TBX20: variants seen among roughly 807,000 people sequenced by gnomAD.
TBX20 encodes the protein T-box transcription factor 20, also known as T-box transcription factor TBX20.
A neutral mutation model predicts 42.9 loss-of-function variants in TBX20; 8 were observed. The ratio of observed to expected loss-of-function variants is 0.19; its 90% CI spans 0.11 to 0.34. The LOEUF (loss-of-function observed/expected upper bound fraction) is 0.34. TBX20 is among the 10% of genes least tolerant of loss of function. The pLI, the probability that TBX20 is intolerant of heterozygous loss-of-function variation, is 1.00. For missense variants in TBX20, 411 were observed against 566.0 expected (o/e 0.73, Z 2.78); for synonymous variants, 198 against 222.8 (o/e 0.89, Z 0.99).
chr7:35,240,512 T>C (rs934255195), intron 5 of TBX20, among the ~76,000 whole-genome samples: 3 of 152,304 alleles, frequency 2.0e-5, no homozygotes, highest in Admixed American at 6.5e-5. Flanking sequence ...GTGTGTTTAA[T>C]TGAGCAGAGA....
chr7:35,218,415 C>T (rs1339513984), intron 6 of TBX20, among the ~76,000 whole-genome samples: 7 of 151,930 alleles, frequency 4.6e-5, no homozygotes, highest in African/African-American at 1.7e-4. Context: ...CTCCTGGGGC[C>T]CCAACTGCTG....
intron 6 of TBX20, among the ~76,000 whole-genome samples, chr7:35,221,339 A>G (rs973895871): frequency 6.6e-6 from 1 of 151,660 alleles, no homozygotes; most frequent in Non-Finnish European, 1.5e-5. Context: ...GAAAGGAAGA[A>G]AATTTTCCTG....
chr7:35,222,435 A>G (rs549581338), intron 6 of TBX20, among the ~76,000 whole-genome samples: 1 of 152,316 alleles, frequency 6.6e-6, no homozygotes, highest in African/African-American at 2.4e-5. Flanking sequence ...ACCACCAAAC[A>G]TATCAGTTAT....
chr7:35,240,999 C>T lies in TBX20; in HGVS notation c.693G>A (p.Val231=). Residue 231 remains valine, a synonymous_variant, in exon 5 of 8, where the codon GTG becomes GTA. Coordinates refer to ENST00000408931, the MANE Select transcript of TBX20 (RefSeq NM_001077653.2). ...LNSMHKYQPR[V]HIIKKKDHTA... ...TGTGGTCTTTCTTCTTAATGATGTGCACCCTTGGCTGGTACTTATGCATTG... is the reference window on the plus strand; with the variant it reads ...TGTGGTCTTTCTTCTTAATGATGTGTACCCTTGGCTGGTACTTATGCATTG... 9 of 1,613,774 alleles carry T rather than the reference C, an allele frequency of 5.6e-6. No homozygotes were observed. The highest frequency in any genetic ancestry group is 6.8e-6 in the Non-Finnish European group (8 of 1,179,724).
intron 5 of TBX20, among the ~76,000 whole-genome samples, chr7:35,237,467 T>C (rs1326961712): frequency 1.3e-5 from 2 of 151,926 alleles, no homozygotes; most frequent in East Asian, 3.9e-4. Flanking sequence ...GTTCTCATTG[T>C]CAGAATATGC....
At chr7:35,211,509 T>C (rs1789495378) in intron 6 of TBX20, among the ~76,000 whole-genome samples, 1 of 152,186 alleles carries the variant, frequency 6.6e-6, no homozygotes, top group South Asian at 2.1e-4. Context: ...TAAATAATTC[T>C]AGTTAACAGA....
chr7:35,205,735 G>C (rs1789389465), intron 6 of TBX20, among the ~76,000 whole-genome samples: 1 of 152,110 alleles, frequency 6.6e-6, no homozygotes, highest in Non-Finnish European at 1.5e-5. Context: ...TATATAGTAT[G>C]ACTATGACTA....
rs1344590557 is a variant in TBX20 at position 35,249,613 on chromosome 7, T to C, written c.380+338A>G. Among the ~76,000 whole-genome samples, 4 of 152,106 alleles carry C rather than the reference T, an allele frequency of 2.6e-5. No homozygotes were observed. Among genetic ancestry groups the C allele is most frequent in the African/African-American group, 7.2e-5 (3 of 41,424 alleles). ...AGCTCACCAGGCACCCAGGCACAAA[T>C]TCCTCCTCCTTCCAGATCCCGACCC... On this transcript the variant is annotated intron_variant, in intron 2 of 7. Transcript: ENST00000408931. This position sits in a 1 kb window ranked among gnomAD's most constrained non-coding sequence, Gnocchi z 4.3.
At chr7:35,239,774 T>A (rs927930561) in intron 5 of TBX20, among the ~76,000 whole-genome samples, 1 of 151,942 alleles carries the variant, frequency 6.6e-6, no homozygotes, top group Non-Finnish European at 1.5e-5. Context: ...TTTTTTGAGG[T>A]GGGGTCTCGC....
chr7:35,229,156 T>C (rs886483171), intron 6 of TBX20, among the ~76,000 whole-genome samples: 10 of 152,284 alleles, frequency 6.6e-5, no homozygotes, highest in African/African-American at 2.4e-4. Flanking sequence ...AGGTCACATA[T>C]TTATAACATC....
At chr7:35,240,401 T>C (rs959479793) in intron 5 of TBX20, among the ~76,000 whole-genome samples, 1 of 152,198 alleles carries the variant, frequency 6.6e-6, no homozygotes, top group African/African-American at 2.4e-5. Context: ...TAAAAAGACA[T>C]TTAAAATCAT....
intron 7 of TBX20, among the ~76,000 whole-genome samples, chr7:35,204,251 A>T (rs1015077929): frequency 1.3e-4 from 20 of 152,010 alleles, no homozygotes; most frequent in Non-Finnish European, 2.4e-4. Flanking sequence ...AAAACAAACC[A>T]TAGGAAACCT....
intron 6 of TBX20, among the ~76,000 whole-genome samples, chr7:35,221,436 A>G (rs1303235449): frequency 2.0e-5 from 3 of 152,152 alleles, no homozygotes; most frequent in Non-Finnish European, 4.4e-5. Context: ...CAGAGATACA[A>G]TTTCTGAATT....
intron 1 of TBX20, 34 bp from the exon 2 acceptor site, chr7:35,250,237 C>G (rs763018606): frequency 1.2e-6 from 2 of 1,611,282 alleles, no homozygotes; most frequent in Non-Finnish European, 1.7e-6. Flanking sequence ...TGACAGCTGA[C>G]ACTGTTCAAC....
At chr7:35,246,142 C>A (rs6977095) in intron 3 of TBX20, among the ~76,000 whole-genome samples, 55,469 of 151,998 alleles carry the variant, frequency 0.36, 10,467 homozygotes, top group Admixed American at 0.46. Context: ...CAGAGGACTA[C>A]GAATAGAAGA....
At chr7:35,218,595 T>C (rs1789628869) in intron 6 of TBX20, among the ~76,000 whole-genome samples, 1 of 152,212 alleles carries the variant, frequency 6.6e-6, no homozygotes, top group African/African-American at 2.4e-5. Flanking sequence ...TTTTTTAATA[T>C]GTGAGAAAGA....
chr7:35,248,407 T>G (rs1790235240), intron 3 of TBX20, among the ~76,000 whole-genome samples: 1 of 152,214 alleles, frequency 6.6e-6, no homozygotes, highest in Admixed American at 6.5e-5. Flanking sequence ...TTCTAATGAA[T>G]ACTCAAATTG....
chr7:35,216,153 G>T (rs1302203194), intron 6 of TBX20, among the ~76,000 whole-genome samples: 1 of 152,130 alleles, frequency 6.6e-6, no homozygotes, highest in East Asian at 1.9e-4. Context: ...CTAGGCAGGG[G>T]TTCTCAGACT....
intron 6 of TBX20, among the ~76,000 whole-genome samples, chr7:35,209,206 A>C (rs949324435): frequency 2.0e-5 from 3 of 152,156 alleles, no homozygotes; most frequent in Non-Finnish European, 4.4e-5. Context: ...TCATAGAATT[A>C]GTTAAAACTC....
Sources: gnomAD v4.1 joint callset for allele counts (sites outside exome capture counted in the v4.1 genomes callset) on GRCh38, gnomAD v4.1.1 for gene constraint, Gnocchi (gnomAD v3.1) non-coding constraint, MANE v1.5 for transcripts, NCBI Gene and HGNC (gene_info 2026-07-23, HGNC 2026-07-21) for gene names.